Variants in CAMKMT observed in about 807,000 individuals in gnomAD.
CAMKMT encodes the protein calmodulin-lysine N-methyltransferase.
Under a neutral mutation model 48.0 loss-of-function variants are expected in CAMKMT, and 53 were observed. The ratio of observed to expected loss-of-function variants is 1.10; its 90% confidence interval spans 0.89 to 1.39. CAMKMT has a LOEUF of 1.39. Ranked by LOEUF, CAMKMT falls within the 40% of genes most tolerant of loss-of-function variation. The pLI, the probability that CAMKMT is intolerant of heterozygous loss-of-function variation, is 0.00. For missense variants in CAMKMT, 428 were observed against 402.7 expected, an observed-to-expected ratio of 1.06 and a Z score of -0.54; for synonymous variants, 165 against 152.3, an observed-to-expected ratio of 1.08 and a Z score of -0.61.
intron 3 of CAMKMT, among the ~76,000 whole-genome samples, chr2:44,624,600 A>C (rs1672375862): frequency 6.6e-6 from 1 of 152,078 alleles, no homozygotes; most frequent in African/African-American, 2.4e-5. Context: ...TCCTTGCAGT[A>C]GTTTGCTGAG....
At chr2:44,758,698 C>T (rs1257712397) in intron 9 of CAMKMT, among the ~76,000 whole-genome samples, 1 of 152,170 alleles carries the variant, frequency 6.6e-6, no homozygotes, top group Non-Finnish European at 1.5e-5. Context: ...CTTGTTGTTG[C>T]TGATGATTGA....
At chr2:44,481,366 T>C (rs1296096228) in intron 3 of CAMKMT, among the ~76,000 whole-genome samples, 1 of 152,086 alleles carries the variant, frequency 6.6e-6, no homozygotes, top group African/African-American at 2.4e-5. Context: ...GTTTTTAGCA[T>C]ATTTATAATA....
At chr2:44,606,940 T>C (rs957698991) in intron 3 of CAMKMT, among the ~76,000 whole-genome samples, 1 of 152,148 alleles carries the variant, frequency 6.6e-6, no homozygotes, top group African/African-American at 2.4e-5. Context: ...GAACCTTTCA[T>C]TGAAGCTCAG....
At chr2:44,410,830 C>A (rs1282199158) in intron 3 of CAMKMT, among the ~76,000 whole-genome samples, 1 of 152,070 alleles carries the variant, frequency 6.6e-6, no homozygotes, top group Non-Finnish European at 1.5e-5. Context: ...CAAACAAATT[C>A]TGTTTAAGGA....
chr2:44,399,146 T>C (rs909532772), intron 3 of CAMKMT, among the ~76,000 whole-genome samples: 2 of 152,198 alleles, frequency 1.3e-5, no homozygotes, highest in African/African-American at 2.4e-5. Flanking sequence ...CTGCACATGG[T>C]AAATTCATAG....
At chr2:44,551,328 TC>T (rs2103652457) in intron 3 of CAMKMT, among the ~76,000 whole-genome samples, 1 of 152,310 alleles carries the variant, frequency 6.6e-6, no homozygotes, top group South Asian at 2.1e-4. Context: ...TTCTCACTGT[TC>T]AGGTGACTCT....
chr2:44,505,080 T>C (rs78980169), intron 3 of CAMKMT, among the ~76,000 whole-genome samples: 11,460 of 152,082 alleles, frequency 0.075, 1,399 homozygotes, highest in African/African-American at 0.26. Context: ...CACTTATTAC[T>C]GCAAGGATGA....
intron 3 of CAMKMT, among the ~76,000 whole-genome samples, chr2:44,490,667 G>A (rs1278983663): frequency 6.6e-6 from 1 of 152,052 alleles, no homozygotes; most frequent in Non-Finnish European, 1.5e-5. Flanking sequence ...AAAGTTATAT[G>A]TATTATAACT....
At chr2:44,596,134 A>T (rs1670641171) in intron 3 of CAMKMT, among the ~76,000 whole-genome samples, 1 of 146,266 alleles carries the variant, frequency 6.8e-6, no homozygotes, top group African/African-American at 2.5e-5. Flanking sequence ...TTATAATTTA[A>T]AAAAAAAAAA....
chr2:44,519,834 T>C (rs1163075952), intron 3 of CAMKMT, among the ~76,000 whole-genome samples: 2 of 152,266 alleles, frequency 1.3e-5, no homozygotes, highest in South Asian at 2.1e-4. Context: ...TGAGAATTCC[T>C]GGGCTCAAGT....
chr2:44,533,572 A>T (rs1446927059), intron 3 of CAMKMT, among the ~76,000 whole-genome samples: 1 of 152,186 alleles, frequency 6.6e-6, no homozygotes, highest in African/African-American at 2.4e-5. Context: ...TATTCTTCAT[A>T]AATGAAGGAG....
intron 7 of CAMKMT, among the ~76,000 whole-genome samples, chr2:44,740,986 G>C (rs1179573795): frequency 6.6e-6 from 1 of 152,166 alleles, no homozygotes; most frequent in African/African-American, 2.4e-5. Context: ...AGGTTTGGAG[G>C]AGTGCCACTC....
intron 3 of CAMKMT, among the ~76,000 whole-genome samples, chr2:44,521,629 A>G (rs967899966): frequency 6.6e-6 from 1 of 152,190 alleles, no homozygotes; most frequent in African/African-American, 2.4e-5. Flanking sequence ...AGGTTAGGCA[A>G]CTTGCCTAGA....
At chr2:44,688,103 A>G (rs1282493160) in intron 3 of CAMKMT, among the ~76,000 whole-genome samples, 1 of 152,212 alleles carries the variant, frequency 6.6e-6, no homozygotes, top group Non-Finnish European at 1.5e-5. Flanking sequence ...TGAAGGCTAT[A>G]ATCACAAAAG....
chr2:44,517,186 T>G (rs1203115582), intron 3 of CAMKMT, among the ~76,000 whole-genome samples: 5 of 152,212 alleles, frequency 3.3e-5, no homozygotes, highest in Non-Finnish European at 7.4e-5. Flanking sequence ...TTTTAATAGC[T>G]AAAAGCATTT....
intron 3 of CAMKMT, among the ~76,000 whole-genome samples, chr2:44,476,326 C>G (rs1011465929): frequency 6.6e-6 from 1 of 151,722 alleles, no homozygotes; most frequent in African/African-American, 2.4e-5. Flanking sequence ...ATTGCAAATT[C>G]AAAAGATCCC....
intron 3 of CAMKMT, among the ~76,000 whole-genome samples, chr2:44,522,114 C>T (rs1671146830): frequency 6.6e-6 from 1 of 151,930 alleles, no homozygotes; most frequent in Non-Finnish European, 1.5e-5. Flanking sequence ...AGCAATTCTC[C>T]TGCCTCAGCC....
intron 3 of CAMKMT, chr2:44,456,804 A>G (rs754704806): frequency 9.6e-6 from 5 of 518,904 alleles, no homozygotes; most frequent in Non-Finnish European, 1.3e-5. Flanking sequence ...CTATTTTCCT[A>G]TTTTACGATT....
chr2:44,737,657 A>G (rs966795612), intron 7 of CAMKMT, among the ~76,000 whole-genome samples: 1 of 151,906 alleles, frequency 6.6e-6, no homozygotes, highest in African/African-American at 2.4e-5. Context: ...TCTTTCCCCA[A>G]CTTCAAGTAG....
Sources: allele counts gnomAD v4.1 joint callset (sites outside exome capture counted in the v4.1 genomes callset), GRCh38; gene constraint gnomAD v4.1.1; transcripts MANE v1.5; gene names NCBI Gene and HGNC (gene_info 2026-07-23, HGNC 2026-07-21).